Variants in MN1 observed in about 807,000 individuals in gnomAD.
The protein encoded by MN1 is MN1 proto-oncogene, transcriptional regulator, also known as transcriptional activator MN1.
A neutral mutation model predicts 86.9 loss-of-function variants in MN1; 19 were observed. The observed-to-expected ratio is 0.22, with a 90% CI of 0.15 to 0.32. The LOEUF (loss-of-function observed/expected upper bound fraction) is 0.32, where lower values mean the gene tolerates loss of function less well. Among genes scored for constraint, MN1 ranks in the 10% least tolerant of loss-of-function variants. The pLI, the probability that MN1 is intolerant of heterozygous loss-of-function variation, is 1.00. For missense variants in MN1, 1,841 were observed against 1,862.0 expected (o/e 0.99, Z 0.21); for synonymous variants, 928 against 849.6 (o/e 1.09, Z -1.60).
intron 1 of MN1, among the ~76,000 whole-genome samples, chr22:27,761,536 C>T (rs1022834037): frequency 1.3e-5 from 2 of 152,154 alleles, no homozygotes; most frequent in African/African-American, 2.4e-5. Flanking sequence ...ACGTTTCTTC[C>T]CTCACCACTG....
rs45545535 is a variant in MN1 at position 27,774,726 on chromosome 22, G to C, written c.3781+22037C>G. On this transcript the variant is annotated intron_variant, in intron 1 of 1. Coordinates refer to ENST00000302326, the MANE Select transcript of MN1 (RefSeq NM_002430.3). ...CGTGCCCGCAGAACCCCAGGGGGTT[G>C]ACACTGCCATCATCCTCATTTCACA... Among the ~76,000 whole-genome samples the C allele has an allele frequency of 7.4e-3, 1,121 of 152,300 alleles. 11 individuals carry two copies. Among genetic ancestry groups the C allele is most frequent in the African/African-American group, 0.026 (1,097 of 41,564 alleles).
intron 1 of MN1, among the ~76,000 whole-genome samples, chr22:27,786,258 C>G (rs1333954608): frequency 6.6e-6 from 1 of 152,230 alleles, no homozygotes; most frequent in Non-Finnish European, 1.5e-5. Context: ...AGAAGCCAGG[C>G]TGAAGTGCTC....
chr22:27,796,406 G>A (rs951047669), intron 1 of MN1, among the ~76,000 whole-genome samples: 3 of 151,842 alleles, frequency 2.0e-5, no homozygotes, highest in Non-Finnish European at 4.4e-5. Flanking sequence ...AATGTTGAGG[G>A]TGGGGAGGGG....
chr22:27,760,660 G>A (rs977321435), intron 1 of MN1, among the ~76,000 whole-genome samples: 8 of 152,334 alleles, frequency 5.3e-5, no homozygotes, highest in African/African-American at 1.9e-4. Context: ...GTGGCCAACA[G>A]CCTGCGTGAC....
intron 1 of MN1, among the ~76,000 whole-genome samples, chr22:27,776,403 T>A (rs1293558306): frequency 6.6e-6 from 1 of 152,200 alleles, no homozygotes; most frequent in Non-Finnish European, 1.5e-5. Context: ...CCTTCAAACC[T>A]AGGCAGGCAG....
intron 1 of MN1, among the ~76,000 whole-genome samples, chr22:27,783,872 C>G (rs1328119660): frequency 6.6e-6 from 1 of 152,018 alleles, no homozygotes; most frequent in Non-Finnish European, 1.5e-5. Flanking sequence ...TCTCCACGTA[C>G]ACACACCCAG....
intron 1 of MN1, among the ~76,000 whole-genome samples, chr22:27,780,787 G>A (rs1349851197): frequency 6.6e-6 from 1 of 152,186 alleles, no homozygotes. Flanking sequence ...TAAACTCCAT[G>A]AAGGCAGGGC....
chr22:27,777,662 C>A (rs1932996636), intron 1 of MN1, among the ~76,000 whole-genome samples: 1 of 151,798 alleles, frequency 6.6e-6, no homozygotes. Flanking sequence ...AGTTCAAGAC[C>A]AGCCTGGCCA....
At chr22:27,768,218 A>C (rs76972970) in intron 1 of MN1, among the ~76,000 whole-genome samples, 3,170 of 152,114 alleles carry the variant, frequency 0.021, 111 homozygotes, top group African/African-American at 0.072. Context: ...AAACACCTTC[A>C]TGTTTCCTGG....
At position 27,750,152 on chromosome 22, in the gene MN1, T is replaced by C. The variant is rs535125225; in HGVS notation, c.*763A>G. The C allele has an allele frequency of 1.7e-5, 4 of 231,876 alleles. No homozygotes were observed. The highest frequency in any genetic ancestry group is 8.8e-5 in the African/African-American group (4 of 45,374). 14.4% of individuals were successfully genotyped at this position (231,876 alleles called of 1,614,324 possible). ...CCACAGAGCAGAGCTGGACACGTCCTCACGTCCATCGCAGAGAGGGGCGGC... is the reference window on the plus strand; with the variant it reads ...CCACAGAGCAGAGCTGGACACGTCCCCACGTCCATCGCAGAGAGGGGCGGC... On this transcript the variant is annotated 3_prime_UTR_variant, in exon 2 of 2. Transcript: ENST00000302326.
Position 27,799,971 on chromosome 22 carries a change from C to G in MN1, c.573G>C (p.Leu191=), listed in dbSNP as rs913878292. 6.2e-7 allele frequency: 1 copy of G among 1,603,156 alleles called. No homozygotes were observed. The highest frequency in any genetic ancestry group is 8.5e-7 in the Non-Finnish European group (1 of 1,175,884). Residue 191 remains leucine, a synonymous_variant, in exon 1 of 2, where the codon CTG becomes CTC. Transcript: ENST00000302326. Reference sequence around the variant, plus strand: ...CTCGGTTAGGGCTCTGGTCCAGCGGCAGGCATGGGGCCGGCACGGCGTGGC... The same window carrying G: ...CTCGGTTAGGGCTCTGGTCCAGCGGGAGGCATGGGGCCGGCACGGCGTGGC... ...ASSHAVPAPC[L]PLDQSPNRAA...
chr22:27,788,715 G>A (rs1025097383), intron 1 of MN1, among the ~76,000 whole-genome samples: 7 of 151,972 alleles, frequency 4.6e-5, no homozygotes, highest in African/African-American at 9.7e-5. Context: ...GTGCACGCAC[G>A]TGTGTACGCA....
intron 1 of MN1, among the ~76,000 whole-genome samples, chr22:27,771,784 G>A (rs933685634): frequency 6.6e-5 from 10 of 152,170 alleles, no homozygotes; most frequent in African/African-American, 1.4e-4. Flanking sequence ...CAACTCCTGC[G>A]TTAACTCATT....
chr22:27,787,358 A>T (rs1933148491), intron 1 of MN1, among the ~76,000 whole-genome samples: 1 of 152,220 alleles, frequency 6.6e-6, no homozygotes, highest in African/African-American at 2.4e-5. Context: ...GTTTTTAGTC[A>T]ATTAGGTCTC....
intron 1 of MN1, among the ~76,000 whole-genome samples, chr22:27,766,455 G>C (rs555259225): frequency 5.0e-4 from 76 of 152,284 alleles, no homozygotes; most frequent in African/African-American, 1.8e-3. Flanking sequence ...TGTGGGAAGA[G>C]GCGGGTGCAG....
Position 27,798,382 on chromosome 22 carries a change from A to C in MN1, c.2162T>G (p.Leu721Arg), listed in dbSNP as rs1933348406. 1.1e-5 allele frequency: 16 copies of C among 1,502,704 alleles called. No homozygotes were observed. Among genetic ancestry groups the C allele is most frequent in the Non-Finnish European group, 1.4e-5 (16 of 1,135,156 alleles). 93.1% of individuals were successfully genotyped at this position (1,502,704 alleles called of 1,614,324 possible). A position where few individuals can be genotyped will look rare whatever the true frequency, so the allele number is the denominator to read the frequency against. The change falls in exon 1 of 2, where the codon CTC becomes CGC. Residue 721 changes from leucine to arginine, a missense_variant. Leu to Arg is a moderately radical substitution (Grantham distance 102). Transcript: ENST00000302326. Reference protein sequence around the residue: ...QLQSPGAGVGLPSAASERRPP... With the variant: ...QLQSPGAGVGRPSAASERRPP... ...CCGGCGCTCCGAAGCAGCGCTGGGGAGCCCCACGCCCGCCCCGGGCGACTG... is the reference window on the plus strand; with the variant it reads ...CCGGCGCTCCGAAGCAGCGCTGGGGCGCCCCACGCCCGCCCCGGGCGACTG...
At chr22:27,778,358 C>T (rs1933006704) in intron 1 of MN1, among the ~76,000 whole-genome samples, 1 of 152,192 alleles carries the variant, frequency 6.6e-6, no homozygotes, top group South Asian at 2.1e-4. Context: ...TGAACGGCAC[C>T]CAAGACCACC....
rs554636699 is a variant in MN1, at chr22:27,798,207, G to A, written c.2337C>T (p.Gly779=). Residue 779 remains glycine (G), a synonymous_variant, in exon 1 of 2, where the codon GGC becomes GGT. Transcript: ENST00000302326. The part of the protein sequence containing the change: ...AGGGGGSSGG[G]GGGGAYPPQP... ...GCGGCGGGTAGGCACCCCCGCCACC[G>A]CCGCCACCAGAGCTGCCACCGCCCC... 1.3e-6 allele frequency: 2 copies of A among 1,528,372 alleles called. No individual in the cohort carries two copies. Among genetic ancestry groups the A allele is most frequent in the Admixed American group, 2.1e-5 (1 of 48,508 alleles). The allele number at this position is 1,528,372 out of a possible 1,614,324, so 94.7% of individuals were successfully genotyped here.
chr22:27,791,467 G>T (rs1276516465), intron 1 of MN1, among the ~76,000 whole-genome samples: 2 of 152,058 alleles, frequency 1.3e-5, no homozygotes, highest in Non-Finnish European at 2.9e-5. Context: ...AAATGATGAG[G>T]TTGGGCGATC....
Sources: allele counts gnomAD v4.1 joint callset (sites outside exome capture counted in the v4.1 genomes callset), GRCh38; gene constraint gnomAD v4.1.1; transcripts MANE v1.5; gene names NCBI Gene and HGNC (gene_info 2026-07-23, HGNC 2026-07-21).